DDX19B: variants seen among roughly 807,000 people sequenced by gnomAD.
DDX19B encodes DEAD-box helicase 19B, also known as ATP-dependent RNA helicase DDX19B.
Under a neutral mutation model 58.1 loss-of-function variants are expected in DDX19B, and 27 were observed. The observed-to-expected ratio is 0.46, with a 90% confidence interval of 0.34 to 0.64. The LOEUF (loss-of-function observed/expected upper bound fraction) is 0.64, where lower values mean the gene tolerates loss of function less well. Among genes scored for constraint, DDX19B ranks in the 30% least tolerant of loss-of-function variants. DDX19B has a pLI of 0.01. For missense variants in DDX19B, 399 were observed against 596.5 expected (o/e 0.67, Z 3.45); for synonymous variants, 187 against 214.4 (o/e 0.87, Z 1.12).
At chr16:70,315,020 G>C in intron 3 of DDX19B, 65 bp downstream of exon 3, 1 of 1,551,324 alleles carries the variant, frequency 6.4e-7, no homozygotes, top group South Asian at 1.1e-5. Context: ...GGATTGTTAT[G>C]AGGCTTCATT....
At position 70,333,757 on chromosome 16, in the gene DDX19B, G is replaced by T; in HGVS notation, c.*175G>T. ...ACAAAAATGTATGCAAATGATGGGG[G>T]ATGGTAGAAAAAAATTATTTACACA... On this transcript the variant is annotated 3_prime_UTR_variant, in exon 12 of 12. Coordinates refer to ENST00000288071, the MANE Select transcript of DDX19B (RefSeq NM_007242.7). 1 of 924,758 alleles carries T rather than the reference G, an allele frequency of 1.1e-6. No individual in the cohort carries two copies. 57.3% of individuals were successfully genotyped at this position (924,758 alleles called of 1,614,324 possible).
intron 6 of DDX19B, among the ~76,000 whole-genome samples, chr16:70,325,238 C>G (rs992605289): frequency 9.2e-5 from 14 of 152,146 alleles, no homozygotes; most frequent in Non-Finnish European, 1.8e-4. Context: ...AAACCTGTTT[C>G]ATCAGCAACT....
chr16:70,323,428 C>CT lies in DDX19B; in HGVS notation c.390-1144dup, dbSNP rs1332976111. 8.2e-3 allele frequency among the ~76,000 whole-genome samples: 1,156 copies of CT among 141,184 alleles called. 14 individuals carry two copies. The highest frequency in any genetic ancestry group is 0.024 in the African/African-American group (924 of 38,662). 92.6% of individuals were successfully genotyped at this position (141,184 alleles called of 152,430 possible). ...ACCTTGCCTGCTTTTTTTCTTTTTT[C>CT]TTTTTTTTTTTTTGACACTGAGTCT... On this transcript the variant is annotated intron_variant, in intron 5 of 11. Transcript: ENST00000288071.
At chr16:70,314,615 G>A (rs1440344037) in intron 2 of DDX19B, among the ~76,000 whole-genome samples, 2 of 152,070 alleles carry the variant, frequency 1.3e-5, no homozygotes, top group African/African-American at 2.4e-5. Context: ...AGTGAGTTGA[G>A]ATCGCACCAC....
At chr16:70,290,585 G>A (rs995570634), upstream of DDX19B, among the ~76,000 whole-genome samples, 2 of 152,142 alleles carry the variant, frequency 1.3e-5, no homozygotes, top group East Asian at 1.9e-4. Context: ...TGTAGTCCCA[G>A]CTACTTGGGA....
upstream of DDX19B, among the ~76,000 whole-genome samples, chr16:70,294,202 C>T (rs549857167): frequency 6.7e-6 from 1 of 150,232 alleles, no homozygotes; most frequent in South Asian, 2.1e-4. Context: ...CTGCCTCAGC[C>T]TTGCGAGTAG....
At chr16:70,325,728 C>G (rs1963109980) in intron 7 of DDX19B, 40 bp downstream of exon 7, 1 of 1,439,162 alleles carries the variant, frequency 6.9e-7, no homozygotes, top group Non-Finnish European at 9.7e-7. Flanking sequence ...CAACCTAATT[C>G]TTTTTATTTT....
intron 1 of DDX19B, among the ~76,000 whole-genome samples, chr16:70,311,288 T>G (rs1418774490): frequency 4.0e-5 from 6 of 149,270 alleles, no homozygotes; most frequent in Admixed American, 2.0e-4. Flanking sequence ...GCTGAGGCAG[T>G]AGAATGGCGT....
intron 11 of DDX19B, 31 bp downstream of exon 11, chr16:70,333,190 G>C (rs974860334): frequency 8.7e-7 from 1 of 1,153,038 alleles, no homozygotes; most frequent in African/African-American, 1.6e-5. Context: ...TGTGCCTGGC[G>C]CCCTTTGCTA....
intron 1 of DDX19B, among the ~76,000 whole-genome samples, chr16:70,300,534 A>C (rs1961440352): frequency 6.6e-6 from 1 of 151,122 alleles, no homozygotes; most frequent in African/African-American, 2.4e-5. Flanking sequence ...TTCTTTCTTT[A>C]CATATATTTT....
Position 70,320,629 on chromosome 16 carries a change from C to T in DDX19B, c.389+3041C>T, listed in dbSNP as rs190963986. ...GTGGCGTGATCTTGGCTCACTGTAA[C>T]CACCACCTCCCAGGTCCTGGATCAA... On this transcript the variant is annotated intron_variant, in intron 5 of 11. Coordinates refer to ENST00000288071, the MANE Select transcript of DDX19B (RefSeq NM_007242.7). Among the ~76,000 whole-genome samples, 61 of 150,940 alleles carry T rather than the reference C, an allele frequency of 4.0e-4. No individual in the cohort carries two copies. In the East Asian group the frequency reaches 0.011, roughly 28 times the overall value.
At chr16:70,330,164 G>A in intron 9 of DDX19B, 96 bp downstream of exon 9, 1 of 1,420,102 alleles carries the variant, frequency 7.0e-7, no homozygotes, top group Non-Finnish European at 9.7e-7. Flanking sequence ...GCCATGGGAA[G>A]AAACGAAGTG....
At chr16:70,301,757 A>G (rs977449073) in intron 1 of DDX19B, among the ~76,000 whole-genome samples, 1 of 138,662 alleles carries the variant, frequency 7.2e-6, no homozygotes, top group Non-Finnish European at 1.5e-5. Context: ...TGCAGTAGCT[A>G]TTCACAGGCA....
At position 70,315,915 on chromosome 16, in the gene DDX19B, G is replaced by A. The variant is rs16970609; in HGVS notation, c.161-54G>A. The A allele has an allele frequency of 0.013, 20,823 of 1,589,026 alleles. 2,443 individuals are homozygous for A. In the African/African-American group the frequency reaches 0.25, roughly 19 times the overall value. On this transcript the variant is annotated intron_variant, in intron 3 of 11. Transcript: ENST00000288071. ...AAATGGCAGTTGAATTAGAGTAAAC[G>A]CCTGGTAGGTTTCAAGGACTTTTTA...
intron 10 of DDX19B, among the ~76,000 whole-genome samples, chr16:70,332,624 G>A (rs1476080175): frequency 6.6e-6 from 1 of 151,976 alleles, no homozygotes; most frequent in South Asian, 2.1e-4. Context: ...CCCTTTACCC[G>A]AAGTTGGTAT....
chr16:70,316,507 T>G (rs1361535379), intron 4 of DDX19B, among the ~76,000 whole-genome samples: 1 of 152,074 alleles, frequency 6.6e-6, no homozygotes, highest in African/African-American at 2.4e-5. Context: ...CGCACCCAGC[T>G]GCTAACCAAG....
At position 70,333,649 on chromosome 16, in the gene DDX19B, G is replaced by T. The variant is rs1283663669; in HGVS notation, c.*67G>T. On this transcript the variant is annotated 3_prime_UTR_variant, in exon 12 of 12. Coordinates refer to ENST00000288071, the MANE Select transcript of DDX19B (RefSeq NM_007242.7). ...TGCACAGGAGACAAGTGCGTTCAGG[G>T]CACAGGCCCCGACATCACCCCAAGG... 3.7e-6 allele frequency: 6 copies of T among 1,612,116 alleles called. No homozygotes were observed. The highest frequency in any genetic ancestry group is 4.5e-5 in the East Asian group (2 of 44,876).
chr16:70,326,873 C>G (rs567383239), intron 7 of DDX19B, among the ~76,000 whole-genome samples: 1 of 151,216 alleles, frequency 6.6e-6, no homozygotes, highest in African/African-American at 2.4e-5. Flanking sequence ...CTCGCCCTGT[C>G]GCCCAGGCTG....
upstream of DDX19B, among the ~76,000 whole-genome samples, chr16:70,291,811 AAAAT>A (rs780765226): frequency 7.9e-5 from 12 of 151,450 alleles, no homozygotes; most frequent in East Asian, 1.9e-4. Context: ...ACTTTGTCTC[AAAAT>A]AAATAAATAA....
Sources: gnomAD v4.1 joint callset for allele counts (sites outside exome capture counted in the v4.1 genomes callset) on GRCh38, gnomAD v4.1.1 for gene constraint, MANE v1.5 for transcripts, NCBI Gene and HGNC (gene_info 2026-07-23, HGNC 2026-07-21) for gene names.